The following BDP1 variants were observed in gnomAD, a reference collection of about 807,000 sequenced individuals.
BDP1 encodes BDP1 general transcription factor IIIB subunit.
BDP1 carries 169 observed loss-of-function variants against 266.6 expected under a neutral mutation model. That is an observed-to-expected ratio of 0.63 (90% CI 0.56 to 0.72). The LOEUF (loss-of-function observed/expected upper bound fraction) is 0.72, where lower values mean the gene tolerates loss of function less well. Among genes scored for constraint, BDP1 ranks in the 30% least tolerant of loss-of-function variants. The probability of loss-of-function intolerance (pLI) is 0.00; values close to 1 mark genes in which losing one functional copy is unlikely to be tolerated. For synonymous variants in BDP1, 1,090 were observed against 1,022.4 expected, an observed-to-expected ratio of 1.07 and a Z score of -1.26; for missense variants, 3,015 against 3,053.8, an observed-to-expected ratio of 0.99 and a Z score of 0.30.
At chr5:71,506,408 A>T (rs1046862166) in intron 16 of BDP1, among the ~76,000 whole-genome samples, 1 of 152,090 alleles carries the variant, frequency 6.6e-6, no homozygotes, top group African/African-American at 2.4e-5. Flanking sequence ...CCCCTCTCCT[A>T]CTCCACATAT....
chr5:71,512,987 G>A (rs146335926), intron 18 of BDP1, among the ~76,000 whole-genome samples, 198 bp from the exon 19 acceptor site: 116 of 148,790 alleles, frequency 7.8e-4, no homozygotes, highest in Middle Eastern at 3.5e-3. Context: ...ACTTGAGCCC[G>A]CGGAGGTCAA....
chr5:71,512,132 C>G (rs753860073), intron 17 of BDP1, 109 bp from the exon 18 acceptor site: 4 of 543,798 alleles, frequency 7.4e-6, no homozygotes, highest in Non-Finnish European at 1.2e-5. Flanking sequence ...TTAAAAACTT[C>G]TAAAGTTTTA....
intron 35 of BDP1, among the ~76,000 whole-genome samples, chr5:71,554,232 T>G (rs777057401): frequency 1.3e-5 from 2 of 152,352 alleles, no homozygotes; most frequent in African/African-American, 2.4e-5. Flanking sequence ...AGATTGAACA[T>G]CTTTTCATAT....
chr5:71,514,471 C>T (rs1580119232), intron 19 of BDP1, among the ~76,000 whole-genome samples: 2 of 152,040 alleles, frequency 1.3e-5, no homozygotes, highest in Non-Finnish European at 2.9e-5. Context: ...TACACTTTTT[C>T]GTCTTACAGT....
intron 13 of BDP1, among the ~76,000 whole-genome samples, chr5:71,500,550 C>T (rs1764173676): frequency 6.6e-6 from 1 of 151,856 alleles, no homozygotes; most frequent in Non-Finnish European, 1.5e-5. Flanking sequence ...TGCTCTCGAA[C>T]TTCTGACCTC....
At chr5:71,532,863 C>A (rs1766338059) in intron 26 of BDP1, among the ~76,000 whole-genome samples, 1 of 152,160 alleles carries the variant, frequency 6.6e-6, no homozygotes, top group Admixed American at 6.5e-5. Context: ...ATCGTGCAAA[C>A]ATTATCACAG....
intron 22 of BDP1, among the ~76,000 whole-genome samples, chr5:71,521,418 G>T (rs1765488828): frequency 6.7e-6 from 1 of 149,444 alleles, no homozygotes; most frequent in South Asian, 2.2e-4. Context: ...TCAGCCTCCC[G>T]AGTAGCTGGG....
At chr5:71,524,866 T>C (rs1765703857) in intron 25 of BDP1, among the ~76,000 whole-genome samples, 1 of 150,526 alleles carries the variant, frequency 6.6e-6, no homozygotes, top group Non-Finnish European at 1.5e-5. Flanking sequence ...CAAGCATCTG[T>C]TTAACAAAGC....
intron 7 of BDP1, among the ~76,000 whole-genome samples, chr5:71,473,058 A>AT (rs891519286): frequency 2.7e-5 from 4 of 149,774 alleles, no homozygotes; most frequent in South Asian, 2.1e-4. Flanking sequence ...AATTTTTCGT[A>AT]TTTTTTTGTA....
In BDP1 at chr5:71,559,986, G is replaced by A; in HGVS notation, c.7245G>A (p.Glu2415=). 1 of 1,611,552 alleles carries A rather than the reference G, an allele frequency of 6.2e-7. No homozygotes were observed. The highest frequency in any genetic ancestry group is 8.5e-7 in the Non-Finnish European group (1 of 1,179,494). ...ELTNVFEETG[E]SHKGQDIFLT... ...CATTTGCTCTTTTTTTTGAAGGGGA[G>A]TCTCACAAGGGACAAGATATTTTTC... Residue 2415 remains glutamate (E), a synonymous_variant, in exon 37 of 39, where the codon GAG becomes GAA. Coordinates refer to ENST00000358731, the MANE Select transcript of BDP1 (RefSeq NM_018429.3).
At chr5:71,544,053 C>G (rs1285448708) in intron 30 of BDP1, among the ~76,000 whole-genome samples, 1 of 152,178 alleles carries the variant, frequency 6.6e-6, no homozygotes, top group Non-Finnish European at 1.5e-5. Flanking sequence ...GTACCCACCT[C>G]GAAGTCTCTT....
At chr5:71,571,779 A>G (rs964200491), downstream of BDP1, among the ~76,000 whole-genome samples, 3 of 152,120 alleles carry the variant, frequency 2.0e-5, no homozygotes, top group African/African-American at 7.2e-5. Flanking sequence ...AACTACAGGC[A>G]TGCCCCACTA....
chr5:71,551,039 T>C (rs1742704535), intron 34 of BDP1, among the ~76,000 whole-genome samples: 1 of 152,194 alleles, frequency 6.6e-6, no homozygotes, highest in Admixed American at 6.5e-5. Context: ...CGTTTAACTT[T>C]ACAATTAGGG....
chr5:71,552,972 G>C, intron 34 of BDP1, 144 bp from the exon 35 acceptor site: 1 of 669,074 alleles, frequency 1.5e-6, no homozygotes, highest in Non-Finnish European at 2.5e-6. Context: ...TCTTAGTTTG[G>C]AGTTTTTTGG....
At chr5:71,468,887 G>A (rs1025489348) in intron 6 of BDP1, among the ~76,000 whole-genome samples, 1 of 151,916 alleles carries the variant, frequency 6.6e-6, no homozygotes. Flanking sequence ...GATTACACGC[G>A]TGAGCCACTG....
intron 7 of BDP1, among the ~76,000 whole-genome samples, chr5:71,481,168 C>A (rs769948940): frequency 1.3e-5 from 2 of 149,498 alleles, no homozygotes; most frequent in Admixed American, 6.6e-5. Flanking sequence ...AGCAAGATTC[C>A]GTCTCAAAAA....
At chr5:71,522,516 AAAT>A in intron 23 of BDP1, 26 bp downstream of exon 23, 3 of 1,562,634 alleles carry the variant, frequency 1.9e-6, no homozygotes, top group African/African-American at 1.4e-5. Context: ...AAAAAAAAAA[AAAT>A]TTTTTTTCTC....
Position 71,524,052 on chromosome 5 carries a change from A to G in BDP1, c.5501A>G (p.Lys1834Arg). ...ERNRGERRSH[K>R]KFKPNVTRGR... Reference sequence around the variant, plus strand: ...AATCGTGGTGAAAGGAGAAGTCATAAAAAGTTCAAACCAAATGTCACCAGA... The same window carrying G: ...AATCGTGGTGAAAGGAGAAGTCATAGAAAGTTCAAACCAAATGTCACCAGA... Residue 1834 changes from lysine (K) to arginine (R), a missense_variant, in exon 25 of 39, where the codon AAA becomes AGA. Coordinates refer to ENST00000358731, the MANE Select transcript of BDP1 (RefSeq NM_018429.3). 1 of 1,614,202 alleles carries G rather than the reference A, an allele frequency of 6.2e-7. No homozygotes were observed. The highest frequency in any genetic ancestry group is 8.5e-7 in the Non-Finnish European group (1 of 1,180,044).
At chr5:71,498,452 C>G (rs1764027038) in intron 13 of BDP1, among the ~76,000 whole-genome samples, 1 of 150,106 alleles carries the variant, frequency 6.7e-6, no homozygotes, top group South Asian at 2.1e-4. Context: ...GAGATGGAGT[C>G]TTGCTCTGTT....
Sources: allele counts gnomAD v4.1 joint callset (sites outside exome capture counted in the v4.1 genomes callset), GRCh38; gene constraint gnomAD v4.1.1; transcripts MANE v1.5; gene names NCBI Gene and HGNC (gene_info 2026-07-23, HGNC 2026-07-21).